Variants in PDCD1LG2 observed in about 807,000 individuals in gnomAD.
The protein encoded by PDCD1LG2 is programmed cell death 1 ligand 2.
In PDCD1LG2, 32 loss-of-function variants were observed where a neutral mutation model predicts 28.2. The observed-to-expected ratio is 1.13, with a 90% CI of 0.86 to 1.52. The LOEUF (loss-of-function observed/expected upper bound fraction) is 1.52. Ranked by LOEUF, PDCD1LG2 falls within the 40% of genes most tolerant of loss-of-function variation. The pLI is 0.00. For synonymous variants in PDCD1LG2, 116 were observed against 120.2 expected, an observed-to-expected ratio of 0.97 and a Z score of 0.23; for missense variants, 385 against 323.8, an observed-to-expected ratio of 1.19 and a Z score of -1.45.
At chr9:5,519,663 C>G (rs1420774249) in intron 1 of PDCD1LG2, among the ~76,000 whole-genome samples, 1 of 152,170 alleles carries the variant, frequency 6.6e-6, no homozygotes, top group African/African-American at 2.4e-5. Context: ...ATTGATGACT[C>G]CTAAATTTAC....
intron 3 of PDCD1LG2, 150 bp downstream of exon 3, chr9:5,535,200 C>T (rs530960054): frequency 2.5e-5 from 19 of 747,594 alleles, no homozygotes; most frequent in African/African-American, 5.3e-5. Context: ...AGCATCTGCT[C>T]GGAAATAATT....
At chr9:5,522,865 G>T (rs909700449) in intron 2 of PDCD1LG2, among the ~76,000 whole-genome samples, 2 of 152,114 alleles carry the variant, frequency 1.3e-5, no homozygotes, top group South Asian at 4.1e-4. Flanking sequence ...AAGAAGACAG[G>T]ATCACTCAGA....
intron 2 of PDCD1LG2, among the ~76,000 whole-genome samples, chr9:5,527,924 G>A (rs1820410111): frequency 6.6e-6 from 1 of 152,034 alleles, no homozygotes; most frequent in Admixed American, 6.6e-5. Flanking sequence ...CGCCTCCCGG[G>A]TTCAGGCTAT....
chr9:5,523,768 G>A (rs1408088355), intron 2 of PDCD1LG2, among the ~76,000 whole-genome samples: 1 of 152,218 alleles, frequency 6.6e-6, no homozygotes, highest in Admixed American at 6.5e-5. Flanking sequence ...AAAAGACACT[G>A]TTCCCCATCC....
intron 4 of PDCD1LG2, among the ~76,000 whole-genome samples, chr9:5,550,489 G>A (rs377116710): frequency 1.3e-5 from 2 of 152,154 alleles, no homozygotes; most frequent in South Asian, 4.2e-4. Flanking sequence ...GATACTTATG[G>A]AGGTCAGAAA....
Position 5,534,808 on chromosome 9 carries a change from T to C in PDCD1LG2, c.119T>C (p.Leu40Pro), listed in dbSNP as rs1406771137. ...ATAGAGCATGGCAGCAATGTGACCCTGGAATGCAACTTTGACACTGGAAGT... is the reference window on the plus strand; with the variant it reads ...ATAGAGCATGGCAGCAATGTGACCCCGGAATGCAACTTTGACACTGGAAGT... ...YIIEHGSNVT[L>P]ECNFDTGSHV... Residue 40 changes from leucine to proline, a missense_variant, in exon 3 of 7, where the codon CTG (leucine) becomes CCG (proline). By Grantham distance (98) the Leu-to-Pro change is moderately conservative. Transcript: ENST00000397747. 6.2e-7 allele frequency: 1 copy of C among 1,614,126 alleles called. No homozygotes were observed. The highest frequency in any genetic ancestry group is 8.5e-7 in the Non-Finnish European group (1 of 1,180,000).
At chr9:5,560,377 A>G (rs1045968592) in intron 5 of PDCD1LG2, among the ~76,000 whole-genome samples, 1 of 152,236 alleles carries the variant, frequency 6.6e-6, no homozygotes, top group African/African-American at 2.4e-5. Context: ...GGTTTTGAGC[A>G]GTTGCTGTCT....
At chr9:5,537,234 C>G (rs1290820590) in intron 3 of PDCD1LG2, among the ~76,000 whole-genome samples, 1 of 152,140 alleles carries the variant, frequency 6.6e-6, no homozygotes. Context: ...GAACAAGATT[C>G]CTTAGCCTTT....
At chr9:5,568,427 G>C (rs1199501508) in intron 6 of PDCD1LG2, among the ~76,000 whole-genome samples, 1 of 152,126 alleles carries the variant, frequency 6.6e-6, no homozygotes, top group Non-Finnish European at 1.5e-5. Flanking sequence ...TAGGTTGTGT[G>C]CTCCTTATGA....
chr9:5,564,490 A>G (rs1290830012), intron 6 of PDCD1LG2, among the ~76,000 whole-genome samples: 1 of 152,210 alleles, frequency 6.6e-6, no homozygotes, highest in East Asian at 1.9e-4. Flanking sequence ...AGACTACTTG[A>G]GGTAGGTTTG....
intron 6 of PDCD1LG2, among the ~76,000 whole-genome samples, chr9:5,564,140 GAAGT>G (rs1386163327): frequency 1.3e-5 from 2 of 152,208 alleles, no homozygotes; most frequent in African/African-American, 4.8e-5. Flanking sequence ...TTTATAAACA[GAAGT>G]AAGTAACCAA....
intron 2 of PDCD1LG2, among the ~76,000 whole-genome samples, chr9:5,523,561 C>T (rs1820317274): frequency 6.6e-6 from 1 of 152,216 alleles, no homozygotes; most frequent in Non-Finnish European, 1.5e-5. Flanking sequence ...TTGGGGCCCT[C>T]CTCAAAGGAA....
At position 5,549,564 on chromosome 9, in the gene PDCD1LG2, T is replaced by G. The variant is rs1458372301; in HGVS notation, c.591T>G (p.Thr197=). The change falls in exon 4 of 7, where the codon ACT becomes ACG. Residue 197 remains threonine (T), a synonymous_variant. Transcript: ENST00000397747. ...GRNFSCVFWN[T]HVRELTLASI... ...ACTTCAGCTGTGTGTTCTGGAATAC[T>G]CACGTGAGGGAACTTACTTTGGCCA... The G allele has an allele frequency of 1.2e-6, 2 of 1,614,198 alleles. No individual in the cohort carries two copies. Among genetic ancestry groups the G allele is most frequent in the South Asian group, 2.2e-5 (2 of 91,080 alleles).
Position 5,516,196 on chromosome 9 carries a change from C to T in PDCD1LG2, c.-15+5393C>T, listed in dbSNP as rs564153100. On this transcript the variant is annotated intron_variant, in intron 1 of 6. Coordinates refer to ENST00000397747, the MANE Select transcript of PDCD1LG2 (RefSeq NM_025239.4). ...CCTCCCGAGTAGCTGGTATTACAGA[C>T]ACCCACCACTACATCCAGCTAATTT... Among the ~76,000 whole-genome samples, 9 of 152,114 alleles carry T rather than the reference C, an allele frequency of 5.9e-5. No homozygotes were observed. In the South Asian group the frequency reaches 8.3e-4, roughly 14 times the overall value.
chr9:5,522,048 A>G (rs1446454958), intron 1 of PDCD1LG2, among the ~76,000 whole-genome samples: 1 of 152,170 alleles, frequency 6.6e-6, no homozygotes, highest in African/African-American at 2.4e-5. Flanking sequence ...GCACTTGACT[A>G]CTTTGCTCAG....
intron 2 of PDCD1LG2, among the ~76,000 whole-genome samples, chr9:5,524,708 G>C (rs1563822071): frequency 6.6e-6 from 1 of 152,080 alleles, no homozygotes; most frequent in Non-Finnish European, 1.5e-5. Context: ...AGGAGGTCTG[G>C]GATGGGGGTA....
chr9:5,543,874 G>GT (rs898695123), intron 3 of PDCD1LG2, among the ~76,000 whole-genome samples: 2 of 150,474 alleles, frequency 1.3e-5, no homozygotes, highest in African/African-American at 4.9e-5. Context: ...TCAATGGGGT[G>GT]GGGGGGAGGG....
At chr9:5,559,332 T>C (rs181756830) in intron 5 of PDCD1LG2, among the ~76,000 whole-genome samples, 172 of 152,368 alleles carry the variant, frequency 1.1e-3, no homozygotes, top group African/African-American at 4.0e-3. Context: ...AGAGAAATCA[T>C]GGTTGCCTAT....
At chr9:5,524,955 C>G (rs1212464004) in intron 2 of PDCD1LG2, among the ~76,000 whole-genome samples, 1 of 152,172 alleles carries the variant, frequency 6.6e-6, no homozygotes, top group Non-Finnish European at 1.5e-5. Flanking sequence ...AGCCCCAGAC[C>G]TGCATGCTTC....
Sources: gnomAD v4.1 joint callset for allele counts (sites outside exome capture counted in the v4.1 genomes callset) on GRCh38, gnomAD v4.1.1 for gene constraint, MANE v1.5 for transcripts, NCBI Gene and HGNC (gene_info 2026-07-23, HGNC 2026-07-21) for gene names.